CELF5: variants seen among roughly 807,000 people sequenced by gnomAD.
CELF5 encodes the protein CUG-BP and ETR-3 like factor 5.
Under a neutral mutation model 54.9 loss-of-function variants are expected in CELF5, and 6 were observed. The ratio of observed to expected loss-of-function variants is 0.11; its 90% CI spans 0.06 to 0.22. The LOEUF (loss-of-function observed/expected upper bound fraction) is 0.22. CELF5 is among the 10% of genes least tolerant of loss of function. The probability of loss-of-function intolerance (pLI) is 1.00; values close to 1 mark genes in which losing one functional copy is unlikely to be tolerated. For synonymous variants in CELF5, 271 were observed against 290.9 expected, an observed-to-expected ratio of 0.93 and a Z score of 0.70; for missense variants, 401 against 678.6, an observed-to-expected ratio of 0.59 and a Z score of 4.54.
chr19:3,224,705 G>GCCT lies in CELF5; in HGVS notation c.-33_-32insTCC. The stretch of plus-strand genomic sequence containing the variant: ...CCAGCTGCGAGTCCGCCCGCCGCCC[G>GCCT]CCGCCGCCGCCGCCGGCTCGGTCCC... On this transcript the variant is annotated 5_prime_UTR_variant, in exon 1 of 13. Transcript: ENST00000292672. The GCCT allele has an allele frequency of 1.0e-6, 1 of 970,314 alleles. No homozygotes were observed. The highest frequency in any genetic ancestry group is 1.2e-6 in the Non-Finnish European group (1 of 810,792). 60.1% of individuals were successfully genotyped at this position (970,314 alleles called of 1,614,324 possible).
chr19:3,253,454 G>A (rs2079678183), intron 2 of CELF5, among the ~76,000 whole-genome samples: 1 of 152,142 alleles, frequency 6.6e-6, no homozygotes, highest in African/African-American at 2.4e-5. Flanking sequence ...TTCTCACCAC[G>A]TGGGCTTCTC....
At chr19:3,288,434 A>C (rs1296718509) in intron 10 of CELF5, among the ~76,000 whole-genome samples, 3 of 152,118 alleles carry the variant, frequency 2.0e-5, no homozygotes, top group East Asian at 1.9e-4. Flanking sequence ...AGGCAGGAGA[A>C]TCTCTTGAAC....
chr19:3,264,619 T>C (rs997141012), intron 2 of CELF5, among the ~76,000 whole-genome samples: 3 of 151,968 alleles, frequency 2.0e-5, no homozygotes, highest in African/African-American at 7.2e-5. Flanking sequence ...GGTTTCACCA[T>C]GTTAGCCAGG....
chr19:3,269,166 C>T (rs896610094), intron 2 of CELF5, among the ~76,000 whole-genome samples: 1 of 152,138 alleles, frequency 6.6e-6, no homozygotes. Context: ...AATAACCCAT[C>T]TGGGGCTTCC....
At chr19:3,249,164 C>T (rs1229514260) in intron 1 of CELF5, among the ~76,000 whole-genome samples, 1 of 151,712 alleles carries the variant, frequency 6.6e-6, no homozygotes, top group African/African-American at 2.4e-5. Context: ...CCTGGGAGAC[C>T]AGGGACCATA....
intron 2 of CELF5, among the ~76,000 whole-genome samples, chr19:3,256,555 A>C (rs2079729465): frequency 1.3e-5 from 2 of 148,526 alleles, no homozygotes; most frequent in South Asian, 4.2e-4. Context: ...TATTATTATT[A>C]TTATTATTAT....
intron 1 of CELF5, among the ~76,000 whole-genome samples, chr19:3,243,968 C>A (rs983154715): frequency 2.6e-5 from 4 of 152,002 alleles, no homozygotes; most frequent in Admixed American, 6.6e-5. Flanking sequence ...CTGCAATGAC[C>A]CCGTTTCCAA....
intron 1 of CELF5, among the ~76,000 whole-genome samples, chr19:3,244,672 C>T (rs383480): frequency 1.5e-5 from 2 of 129,754 alleles, no homozygotes; most frequent in Non-Finnish European, 3.2e-5. Context: ...GTGTGTTGTG[C>T]ATGCATCGTG....
chr19:3,292,845 G>C (rs553915966), intron 11 of CELF5, among the ~76,000 whole-genome samples: 1 of 152,240 alleles, frequency 6.6e-6, no homozygotes, highest in African/African-American at 2.4e-5. Flanking sequence ...GCAGTGAGCT[G>C]AGATTGCGCC....
chr19:3,225,137 C>A, intron 1 of CELF5, 139 bp downstream of exon 1: 1 of 506,644 alleles, frequency 2.0e-6, no homozygotes, highest in Admixed American at 4.3e-5. Flanking sequence ...TCGGTTCTTA[C>A]CCCCTCCCTC....
chr19:3,249,222 G>A (rs2079614198), intron 1 of CELF5, among the ~76,000 whole-genome samples: 1 of 152,042 alleles, frequency 6.6e-6, no homozygotes, highest in Non-Finnish European at 1.5e-5. Flanking sequence ...CATCGGAGCA[G>A]CCCACGATGG....
Position 3,251,053 on chromosome 19 carries a change from A to C in CELF5, c.328A>C (p.Lys110Gln), listed in dbSNP as rs1254049310. 1.2e-6 allele frequency: 2 copies of C among 1,614,004 alleles called. No individual in the cohort carries two copies. Among genetic ancestry groups the C allele is most frequent in the Admixed American group, 3.3e-5 (2 of 60,018 alleles). Reference protein sequence around the residue: ...IKAQTALHEQKTLPGMARPIQ... With the variant: ...IKAQTALHEQQTLPGMARPIQ... ...AGCTCAGACTGCCCTGCACGAGCAG[A>C]AGACCTTGCCCGGAGTGAGTCCTGT... is the stretch of plus-strand genomic sequence containing the variant. Residue 110 changes from lysine to glutamine, a missense_variant, in exon 2 of 13, where the codon AAG becomes CAG. Lys to Gln is a moderately conservative substitution (Grantham distance 53). Coordinates refer to ENST00000292672, the MANE Select transcript of CELF5 (RefSeq NM_021938.4).
Position 3,275,483 on chromosome 19 carries a change from G to C in CELF5, c.395-373G>C, listed in dbSNP as rs2080032723. Among the ~76,000 whole-genome samples, 1 of 152,252 alleles carries C rather than the reference G, an allele frequency of 6.6e-6. No individual in the cohort carries two copies. The highest frequency in any genetic ancestry group is 1.5e-5 in the Non-Finnish European group (1 of 68,044). ...ACAGACAGACAGGGACCCAGGCCCG[G>C]CGAGGCAGCTCCTAGCCCTAGTACT... On this transcript the variant is annotated intron_variant, in intron 3 of 12. Transcript: ENST00000292672. This position sits in a 1 kb window ranked among gnomAD's most constrained non-coding sequence, Gnocchi z 6.7.
intron 1 of CELF5, among the ~76,000 whole-genome samples, chr19:3,230,849 G>A (rs1247586466): frequency 6.6e-6 from 1 of 152,198 alleles, no homozygotes. Context: ...TGTGTGTTCC[G>A]ATTACATTGG....
At chr19:3,251,652 CTTTTT>C (rs1195812856) in intron 2 of CELF5, among the ~76,000 whole-genome samples, 3 of 67,108 alleles carry the variant, frequency 4.5e-5, no homozygotes, top group South Asian at 5.9e-4. Context: ...ACAAGGGCTT[CTTTTT>C]TTTTTTTTTT....
At chr19:3,259,445 C>CA (rs142659128) in intron 2 of CELF5, among the ~76,000 whole-genome samples, 15,118 of 151,596 alleles carry the variant, frequency 0.1, 793 homozygotes, top group Middle Eastern at 0.18. Context: ...CCACAGTGCC[C>CA]GGGGGAGAGA....
intron 1 of CELF5, among the ~76,000 whole-genome samples, chr19:3,232,192 T>G (rs925714802): frequency 6.6e-6 from 1 of 152,174 alleles, no homozygotes; most frequent in Non-Finnish European, 1.5e-5. Context: ...TTCTGAACCT[T>G]AGCTACTTTG....
chr19:3,280,337 G>A (rs932237406), intron 5 of CELF5, among the ~76,000 whole-genome samples: 20 of 151,918 alleles, frequency 1.3e-4, no homozygotes, highest in Non-Finnish European at 1.6e-4. Flanking sequence ...TTGGGAGGTC[G>A]AGGCGGGCGG....
At chr19:3,279,206 G>GAT (rs2080107941) in intron 5 of CELF5, among the ~76,000 whole-genome samples, 1 of 151,800 alleles carries the variant, frequency 6.6e-6, no homozygotes, top group African/African-American at 2.4e-5. Flanking sequence ...GGTGAGAATG[G>GAT]ATGGGGGGCC....
Sources: allele counts gnomAD v4.1 joint callset (sites outside exome capture counted in the v4.1 genomes callset), GRCh38; gene constraint gnomAD v4.1.1; non-coding constraint Gnocchi (gnomAD v3.1); transcripts MANE v1.5; gene names NCBI Gene and HGNC (gene_info 2026-07-23, HGNC 2026-07-21).